Variants in BTRC observed in about 807,000 individuals in gnomAD.
BTRC encodes F-box/WD repeat-containing protein 1A.
In BTRC, 42 loss-of-function variants were observed where a neutral mutation model predicts 85.5. The observed-to-expected ratio is 0.49, with a 90% CI of 0.38 to 0.64. The LOEUF (loss-of-function observed/expected upper bound fraction) is 0.64, where lower values mean the gene tolerates loss of function less well. Ranked by LOEUF, BTRC falls within the 30% of genes least tolerant of loss-of-function variation. The pLI, the probability that BTRC is intolerant of heterozygous loss-of-function variation, is 0.00. For missense variants in BTRC, 594 were observed against 743.5 expected, an observed-to-expected ratio of 0.80 and a Z score of 2.34; for synonymous variants, 255 against 263.3, an observed-to-expected ratio of 0.97 and a Z score of 0.30.
At chr10:101,480,068 T>C (rs989554798) in intron 4 of BTRC, among the ~76,000 whole-genome samples, 5 of 152,224 alleles carry the variant, frequency 3.3e-5, no homozygotes, top group African/African-American at 1.2e-4. Context: ...TATCTGTAAT[T>C]ACTGAGGAAT....
At chr10:101,416,208 A>G (rs1000277011) in intron 1 of BTRC, among the ~76,000 whole-genome samples, 13 of 152,184 alleles carry the variant, frequency 8.5e-5, no homozygotes, top group Middle Eastern at 3.2e-3. Context: ...ATTAGGCTGA[A>G]TAATATTCCA....
intron 1 of BTRC, among the ~76,000 whole-genome samples, chr10:101,427,257 A>G (rs1384000178): frequency 2.6e-5 from 4 of 150,976 alleles, no homozygotes; most frequent in African/African-American, 4.9e-5. Context: ...AGCTGGGACT[A>G]TAGGCGTGCA....
At chr10:101,391,648 T>C (rs1032612500) in intron 1 of BTRC, among the ~76,000 whole-genome samples, 1 of 152,202 alleles carries the variant, frequency 6.6e-6, no homozygotes, top group African/African-American at 2.4e-5. Flanking sequence ...TTGGGAAATT[T>C]GCTCTCTAGA....
intron 1 of BTRC, among the ~76,000 whole-genome samples, chr10:101,374,611 A>G (rs2134559513): frequency 8.1e-6 from 1 of 123,350 alleles, no homozygotes; most frequent in African/African-American, 3.1e-5. Context: ...GAAGGGGAAT[A>G]TCACACTCTG....
intron 5 of BTRC, among the ~76,000 whole-genome samples, chr10:101,522,393 C>T (rs1309112362): frequency 1.9e-4 from 13 of 67,270 alleles, no homozygotes; most frequent in Non-Finnish European, 2.8e-4. Flanking sequence ...AAAAAAAACT[C>T]TAGAAATAAA....
chr10:101,494,248 A>G (rs184457865), intron 4 of BTRC, among the ~76,000 whole-genome samples: 2 of 152,358 alleles, frequency 1.3e-5, no homozygotes, highest in Admixed American at 1.3e-4. Flanking sequence ...CACATGCAGG[A>G]AAGATCCAGG....
At chr10:101,530,512 TATAGG>T (rs1240874463) in intron 6 of BTRC, among the ~76,000 whole-genome samples, 1 of 151,552 alleles carries the variant, frequency 6.6e-6, no homozygotes, top group African/African-American at 2.4e-5. Context: ...AAAAAAAACC[TATAGG>T]GCATGTGCTA....
chr10:101,440,557 C>T (rs1299287886), intron 2 of BTRC, among the ~76,000 whole-genome samples: 1 of 151,796 alleles, frequency 6.6e-6, no homozygotes, highest in Non-Finnish European at 1.5e-5. Context: ...CCCATCTTTA[C>T]CAAAAATACA....
intron 1 of BTRC, among the ~76,000 whole-genome samples, chr10:101,415,736 T>A (rs185850582): frequency 3.2e-4 from 49 of 151,664 alleles, no homozygotes; most frequent in African/African-American, 1.2e-3. Context: ...AGACAGGGTT[T>A]CATCATGTTG....
chr10:101,424,970 G>A (rs957181631), intron 1 of BTRC, among the ~76,000 whole-genome samples: 6 of 152,072 alleles, frequency 3.9e-5, no homozygotes, highest in African/African-American at 1.2e-4. Flanking sequence ...CCCACCTTTT[G>A]TATTCCTCAG....
intron 1 of BTRC, among the ~76,000 whole-genome samples, chr10:101,363,389 T>G (rs910945288): frequency 1.3e-5 from 2 of 152,220 alleles, no homozygotes; most frequent in Non-Finnish European, 2.9e-5. Context: ...CACACTTTGG[T>G]AAATGCTAAA....
At chr10:101,505,719 C>T (rs553750661) in intron 4 of BTRC, among the ~76,000 whole-genome samples, 2 of 151,596 alleles carry the variant, frequency 1.3e-5, no homozygotes, top group East Asian at 1.9e-4. Flanking sequence ...GGGCAATTTC[C>T]ATGTTTTTTG....
chr10:101,363,085 G>A (rs1323189451), intron 1 of BTRC, among the ~76,000 whole-genome samples: 1 of 152,116 alleles, frequency 6.6e-6, no homozygotes, highest in Non-Finnish European at 1.5e-5. Flanking sequence ...TATTTAGCAT[G>A]TACTATTTGC....
chr10:101,392,958 C>T (rs1055428877), intron 1 of BTRC, among the ~76,000 whole-genome samples: 4 of 152,156 alleles, frequency 2.6e-5, no homozygotes, highest in African/African-American at 7.2e-5. Context: ...AGGCCTCAGC[C>T]GCAGACCTCA....
chr10:101,548,159 C>T (rs896401126), intron 13 of BTRC, among the ~76,000 whole-genome samples: 1 of 152,186 alleles, frequency 6.6e-6, no homozygotes, highest in Non-Finnish European at 1.5e-5. Context: ...ATTGGCATGA[C>T]TTTTAAAAAA....
intron 13 of BTRC, among the ~76,000 whole-genome samples, chr10:101,546,662 A>G (rs1396162751): frequency 6.6e-6 from 1 of 152,206 alleles, no homozygotes; most frequent in Non-Finnish European, 1.5e-5. Flanking sequence ...ATTCAAAGTA[A>G]GTAGAAGAAA....
At chr10:101,537,325 C>T (rs2062401199) in intron 12 of BTRC, among the ~76,000 whole-genome samples, 2 of 152,040 alleles carry the variant, frequency 1.3e-5, no homozygotes, top group South Asian at 2.1e-4. Flanking sequence ...GTCAGTAGTT[C>T]GAGACCAGCC....
intron 5 of BTRC, among the ~76,000 whole-genome samples, chr10:101,522,936 T>TCA (rs2062139641): frequency 6.6e-6 from 1 of 152,154 alleles, no homozygotes; most frequent in African/African-American, 2.4e-5. Context: ...TTGGGCACGG[T>TCA]GGCTCAGGCC....
intron 5 of BTRC, among the ~76,000 whole-genome samples, chr10:101,523,117 T>G (rs1006106394): frequency 6.6e-6 from 1 of 152,064 alleles, no homozygotes; most frequent in Non-Finnish European, 1.5e-5. Flanking sequence ...GGCAGGAGAA[T>G]CGCTTGAACC....
Sources: gnomAD v4.1 joint callset for allele counts (sites outside exome capture counted in the v4.1 genomes callset) on GRCh38, gnomAD v4.1.1 for gene constraint, MANE v1.5 for transcripts, NCBI Gene and HGNC (gene_info 2026-07-23, HGNC 2026-07-21) for gene names.